Variants in CNTRL observed in about 807,000 individuals in gnomAD.
CNTRL encodes the protein centriolin, also known as 110 kDa centrosomal protein.
A neutral mutation model predicts 303.7 loss-of-function variants in CNTRL; 233 were observed. That is an observed-to-expected ratio of 0.77 (90% CI 0.69 to 0.86). The LOEUF is 0.86. Ranked by LOEUF, CNTRL falls within the 40% of genes least tolerant of loss-of-function variation. The pLI is 0.00. For missense variants in CNTRL, 2,524 were observed against 2,650.6 expected (o/e 0.95, Z 1.05); for synonymous variants, 900 against 922.2 (o/e 0.98, Z 0.44).
chr9:121,160,997 T>C lies in CNTRL; in HGVS notation c.5089+695T>C, dbSNP rs542442790. 8.5e-5 allele frequency among the ~76,000 whole-genome samples: 13 copies of C among 152,170 alleles called. No homozygotes were observed. The South Asian group carries it at 2.5e-3, about 29-fold the overall frequency. On this transcript the variant is annotated intron_variant, in intron 32 of 43. Coordinates refer to ENST00000373855, the MANE Select transcript of CNTRL (RefSeq NM_007018.6). ...CTGTTCCACCACACCCCCCAAAAAA[T>C]TGGAAACAGATGACCAATTTAAAAG... is the stretch of plus-strand genomic sequence containing the variant.
chr9:121,113,623 A>T lies in CNTRL; in HGVS notation c.1244A>T (p.Lys415Met). Residue 415 changes from lysine (K) to methionine (M), a missense_variant, in exon 10 of 44, where the codon AAG becomes ATG. Lys to Met is a moderately conservative substitution (Grantham distance 95). Coordinates refer to ENST00000373855, the MANE Select transcript of CNTRL (RefSeq NM_007018.6). Reference sequence around the variant, plus strand: ...AGTGCTCAGGCAGTACAGATCAAGAAGATGGAGCCAGATGAACAACTTAGA... The same window carrying T: ...AGTGCTCAGGCAGTACAGATCAAGATGATGGAGCCAGATGAACAACTTAGA... ...IDSAQAVQIK[K>M]MEPDEQLRND... 1 of 1,609,844 alleles carries T rather than the reference A, an allele frequency of 6.2e-7. No individual in the cohort carries two copies. The highest frequency in any genetic ancestry group is 8.5e-7 in the Non-Finnish European group (1 of 1,178,566).
At chr9:121,148,977 TCTGTGATCTGGTCTTGGCCAGCGA>T (rs1372561587) in intron 24 of CNTRL, 116 bp downstream of exon 24, 9 of 917,424 alleles carry the variant, frequency 9.8e-6, no homozygotes, top group Non-Finnish European at 1.5e-5. Flanking sequence ...CATGAGGTCT[TCTGTGATCTGGTCTTGGCCAGCGA>T]CCTCTTGTCG....
intron 19 of CNTRL, among the ~76,000 whole-genome samples, chr9:121,143,480 A>C (rs2051645084): frequency 6.6e-6 from 1 of 152,138 alleles, no homozygotes; most frequent in Non-Finnish European, 1.5e-5. Context: ...AGTAAGACCA[A>C]AATTCTTAAG....
Position 121,145,329 on chromosome 9 carries a change from A to C in CNTRL, c.3254A>C (p.Glu1085Ala). The C allele has an allele frequency of 6.2e-7, 1 of 1,614,102 alleles. No individual in the cohort carries two copies. Among genetic ancestry groups the C allele is most frequent in the South Asian group, 1.1e-5 (1 of 91,082 alleles). ...LEIEKLNETMERQRTEIARLQ... is the reference protein window; with the variant it reads ...LEIEKLNETMARQRTEIARLQ... ...ATTGAGAAACTGAATGAGACAATGG[A>C]ACGACAAAGGACAGAGATTGCAAGG... Residue 1085 changes from glutamate to alanine, a missense_variant, in exon 22 of 44, where the codon GAA becomes GCA. Coordinates refer to ENST00000373855, the MANE Select transcript of CNTRL (RefSeq NM_007018.6).
intron 42 of CNTRL, among the ~76,000 whole-genome samples, chr9:121,174,240 G>C (rs2053433193): frequency 6.6e-6 from 1 of 152,148 alleles, no homozygotes; most frequent in South Asian, 2.1e-4. Flanking sequence ...CTAAAGATTT[G>C]AGAGTTAAGA....
chr9:121,162,673 A>G (rs375422251), intron 34 of CNTRL, among the ~76,000 whole-genome samples: 26 of 152,330 alleles, frequency 1.7e-4, no homozygotes, highest in African/African-American at 5.8e-4. Context: ...ATATGAACCT[A>G]GAATCGAATT....
rs1220824107 is a variant in CNTRL at position 121,158,985 on chromosome 9, A to G, written c.4895A>G (p.Glu1632Gly). ...CTCCAGGAAGCTCTGAGACTGGGAG[A>G]GACTGAAGTAACTGAGAAGTGCAAT... ...ADLQEALRLG[E>G]TEVTEKCNHI... Residue 1632 changes from glutamate to glycine, a missense_variant, in exon 31 of 44, where the codon GAG becomes GGG. Physicochemically the swap from Glu to Gly is moderately conservative, Grantham distance 98. Transcript: ENST00000373855. 1 of 1,614,074 alleles carries G rather than the reference A, an allele frequency of 6.2e-7. No homozygotes were observed. Among genetic ancestry groups the G allele is most frequent in the East Asian group, 2.2e-5 (1 of 44,898 alleles).
At chr9:121,159,401 A>C (rs763835983) in intron 31 of CNTRL, among the ~76,000 whole-genome samples, 6 of 152,186 alleles carry the variant, frequency 3.9e-5, no homozygotes, top group African/African-American at 1.4e-4. Context: ...TGGGAGGCCA[A>C]GGCAGGCAGA....
intron 12 of CNTRL, among the ~76,000 whole-genome samples, chr9:121,120,120 GT>G (rs137879836): frequency 0.021 from 3,078 of 148,514 alleles, 104 homozygotes; most frequent in African/African-American, 0.071. Context: ...AATAATAGGG[GT>G]TTTTTTTTTA....
chr9:121,086,672 G>A (rs1475502311), intron 2 of CNTRL, among the ~76,000 whole-genome samples: 2 of 133,320 alleles, frequency 1.5e-5, no homozygotes, highest in African/African-American at 5.9e-5. Context: ...ATGGAGTCTC[G>A]CTCTGTTTCC....
At chr9:121,077,929 G>C (rs1311296201) in intron 1 of CNTRL, among the ~76,000 whole-genome samples, 1 of 152,156 alleles carries the variant, frequency 6.6e-6, no homozygotes, top group Non-Finnish European at 1.5e-5. Context: ...CTGGGTGACA[G>C]AGAAAGACCT....
rs1182588420 is a variant in CNTRL at position 121,150,263 on chromosome 9, C to T, written c.3743C>T (p.Thr1248Ile). 2.2e-5 allele frequency: 36 copies of T among 1,614,164 alleles called. No individual in the cohort carries two copies. The highest frequency in any genetic ancestry group is 3.1e-5 in the Non-Finnish European group (36 of 1,179,986). Reference sequence around the variant, plus strand: ...CCTCCTCCTGGATACATGATGTATACTGTGCTTCCTGATGGTTCTCCTGTA... The same window carrying T: ...CCTCCTCCTGGATACATGATGTATATTGTGCTTCCTGATGGTTCTCCTGTA... ...FVPPPGYMMYTVLPDGSPVPQ... is the reference protein window; with the variant it reads ...FVPPPGYMMYIVLPDGSPVPQ... Residue 1248 changes from threonine (T) to isoleucine (I), a missense_variant, in exon 25 of 44, where the codon ACT (threonine) becomes ATT (isoleucine). Transcript: ENST00000373855.
rs2051740168 is a variant in CNTRL at position 121,144,825 on chromosome 9, A to T, written c.3052-18A>T. On this transcript the variant is annotated intron_variant, in intron 20 of 43. Coordinates refer to ENST00000373855, the MANE Select transcript of CNTRL (RefSeq NM_007018.6). ...CTGTGATAGCAGTGGTGCCTTTCTC[A>T]TACTTCTGTCCCAGTAGGAGTTGCA... 6.3e-7 allele frequency: 1 copy of T among 1,594,340 alleles called. No individual in the cohort carries two copies. The highest frequency in any genetic ancestry group is 1.3e-5 in the African/African-American group (1 of 74,490).
chr9:121,162,027 G>A, intron 33 of CNTRL, 27 bp from the exon 34 acceptor site: 6 of 1,613,650 alleles, frequency 3.7e-6, no homozygotes, highest in Non-Finnish European at 5.1e-6. Context: ...CATTTAAGAT[G>A]TTTGAGTCCT....
At chr9:121,121,860 A>G in intron 12 of CNTRL, 4 of 985,390 alleles carry the variant, frequency 4.1e-6, no homozygotes, top group South Asian at 4.7e-5. Context: ...AGGGAAGTGC[A>G]CATGAATTTG....
chr9:121,121,686 G>C, intron 12 of CNTRL: 2 of 621,700 alleles, frequency 3.2e-6, no homozygotes, highest in Non-Finnish European at 4.0e-6. Flanking sequence ...GCCCCTGGGA[G>C]CTTCCTGTGT....
intron 25 of CNTRL, 138 bp from the exon 26 acceptor site, chr9:121,152,347 A>T (rs1488913963): frequency 3.1e-6 from 2 of 653,142 alleles, no homozygotes; most frequent in Non-Finnish European, 5.4e-6. Flanking sequence ...AACTTTTTAT[A>T]CCAAAGTCTT....
intron 13 of CNTRL, among the ~76,000 whole-genome samples, chr9:121,125,458 C>A (rs879572676): frequency 6.6e-6 from 1 of 152,076 alleles, no homozygotes. Context: ...CACACCCGGC[C>A]GAAATTAAAC....
At chr9:121,115,442 G>A (rs2049934468) in intron 11 of CNTRL, among the ~76,000 whole-genome samples, 2 of 152,076 alleles carry the variant, frequency 1.3e-5, no homozygotes, top group Admixed American at 1.3e-4. Flanking sequence ...ATGTAAAAAG[G>A]TGTAGTCTTG....
Sources: gnomAD v4.1 joint callset for allele counts (sites outside exome capture counted in the v4.1 genomes callset) on GRCh38, gnomAD v4.1.1 for gene constraint, MANE v1.5 for transcripts, NCBI Gene and HGNC (gene_info 2026-07-23, HGNC 2026-07-21) for gene names.